UMAD1: variants seen among roughly 807,000 people sequenced by gnomAD.
UMAD1 encodes the protein UBAP1-MVB12-associated (UMA) domain containing 1, also known as UBAP1-MVB12-associated (UMA)-domain containing protein 1.
Under a neutral mutation model 6.1 loss-of-function variants are expected in UMAD1, and 8 were observed. The observed-to-expected ratio is 1.30, with a 90% confidence interval of 0.76 to 2.35. The LOEUF is 2.35. Ranked by LOEUF, UMAD1 falls within the 30% of genes most tolerant of loss-of-function variation. The probability of loss-of-function intolerance (pLI) is 0.00; values close to 1 mark genes in which losing one functional copy is unlikely to be tolerated. For synonymous variants in UMAD1, 56 were observed against 31.4 expected (o/e 1.78, Z -2.61); for missense variants, 130 against 78.4 (o/e 1.66, Z -2.49).
chr7:7,659,619 G>T (rs1007548142), intron 1 of UMAD1, among the ~76,000 whole-genome samples: 1 of 152,184 alleles, frequency 6.6e-6, no homozygotes, highest in Admixed American at 6.5e-5. Flanking sequence ...GCAGTTTTGA[G>T]TGAGTTTCTT....
intron 1 of UMAD1, among the ~76,000 whole-genome samples, chr7:7,670,107 A>G (rs1366231550): frequency 1.3e-5 from 2 of 152,202 alleles, no homozygotes; most frequent in Non-Finnish European, 2.9e-5. Flanking sequence ...TAAATTCCAT[A>G]CACAATACTT....
intron 3 of UMAD1, among the ~76,000 whole-genome samples, chr7:7,819,640 A>G (rs1563232583): frequency 6.6e-6 from 1 of 152,238 alleles, no homozygotes; most frequent in Non-Finnish European, 1.5e-5. Context: ...TTCAACAAAA[A>G]TAGTTTTAGT....
At chr7:7,798,839 C>G (rs1782740272) in intron 2 of UMAD1, among the ~76,000 whole-genome samples, 1 of 152,204 alleles carries the variant, frequency 6.6e-6, no homozygotes, top group Admixed American at 6.5e-5. Flanking sequence ...AGGTTTCACT[C>G]TCCTGTAAAT....
intron 1 of UMAD1, among the ~76,000 whole-genome samples, chr7:7,667,373 A>G (rs1779491791): frequency 6.6e-6 from 1 of 152,240 alleles, no homozygotes; most frequent in South Asian, 2.1e-4. Flanking sequence ...TCCAGCTGTC[A>G]AGGCCATGCA....
rs563679484 is a variant in UMAD1, at chr7:7,869,191, T to C, written c.157-8090T>C. ...TTATATCACCTTCTCCTAACCTCTG[T>C]CCCCTGATGCTTCTAACTCAGATTT... is the stretch of plus-strand genomic sequence containing the variant. On this transcript the variant is annotated intron_variant, in intron 3 of 3. Transcript: ENST00000682710. Among the ~76,000 whole-genome samples, 7 of 152,294 alleles carry C rather than the reference T, an allele frequency of 4.6e-5. No individual in the cohort carries two copies. In the East Asian group the frequency reaches 9.6e-4, roughly 21 times the overall value.
chr7:7,869,017 T>C (rs1171583728), intron 3 of UMAD1, among the ~76,000 whole-genome samples: 1 of 152,188 alleles, frequency 6.6e-6, no homozygotes, highest in Admixed American at 6.5e-5. Flanking sequence ...CAATATGATT[T>C]CTCCCAAGTG....
At chr7:7,731,910 C>G (rs1414683908) in intron 2 of UMAD1, among the ~76,000 whole-genome samples, 1 of 152,112 alleles carries the variant, frequency 6.6e-6, no homozygotes, top group Non-Finnish European at 1.5e-5. Context: ...ACCTGATGAC[C>G]TTGAGCAAAT....
chr7:7,825,403 GAA>G (rs1393814466), intron 3 of UMAD1, among the ~76,000 whole-genome samples: 5 of 152,120 alleles, frequency 3.3e-5, no homozygotes, highest in Admixed American at 1.3e-4. Context: ...TTTTACAAAA[GAA>G]AGAGGTTTTA....
At chr7:7,864,166 C>G (rs1784180358) in intron 3 of UMAD1, among the ~76,000 whole-genome samples, 1 of 152,028 alleles carries the variant, frequency 6.6e-6, no homozygotes, top group East Asian at 1.9e-4. Context: ...CAACTTTAAG[C>G]AAAACAACAT....
intron 3 of UMAD1, among the ~76,000 whole-genome samples, chr7:7,843,262 GT>G (rs1379645684): frequency 6.6e-6 from 1 of 152,196 alleles, no homozygotes; most frequent in Non-Finnish European, 1.5e-5. Context: ...CAGGGCCCAT[GT>G]TTGTCTATTC....
At chr7:7,743,132 T>C (rs998122831) in intron 2 of UMAD1, among the ~76,000 whole-genome samples, 1 of 152,210 alleles carries the variant, frequency 6.6e-6, no homozygotes, top group African/African-American at 2.4e-5. Flanking sequence ...GTATCTAAAA[T>C]TGGTTTAGAA....
At chr7:7,717,996 G>A (rs777049515) in intron 2 of UMAD1, among the ~76,000 whole-genome samples, 8 of 152,170 alleles carry the variant, frequency 5.3e-5, no homozygotes, top group Non-Finnish European at 1.0e-4. Flanking sequence ...AGCTTTTAGA[G>A]TTTAGGGAAA....
intron 3 of UMAD1, among the ~76,000 whole-genome samples, chr7:7,824,720 C>A (rs1418144165): frequency 6.6e-6 from 1 of 152,088 alleles, no homozygotes; most frequent in Admixed American, 6.6e-5. Flanking sequence ...CTAGTACTAA[C>A]CCACAAATAA....
At chr7:7,665,216 C>T (rs1202272619) in intron 1 of UMAD1, among the ~76,000 whole-genome samples, 6 of 152,074 alleles carry the variant, frequency 3.9e-5, no homozygotes, top group Admixed American at 6.5e-5. Flanking sequence ...AAAGGGAAGC[C>T]TTGGAGTAAT....
chr7:7,677,658 T>TGATGGAGACAC (rs1563112336), intron 2 of UMAD1, among the ~76,000 whole-genome samples: 8 of 31,172 alleles, frequency 2.6e-4, no homozygotes, highest in African/African-American at 5.2e-4. Flanking sequence ...ATTCATCTGT[T>TGATGGAGACAC]TTTTTGTTTT....
At chr7:7,655,938 C>T (rs987604654) in intron 1 of UMAD1, among the ~76,000 whole-genome samples, 5 of 152,220 alleles carry the variant, frequency 3.3e-5, no homozygotes, top group South Asian at 2.1e-4. Flanking sequence ...TGGGTTCCAG[C>T]GATTCTCCTG....
intron 3 of UMAD1, among the ~76,000 whole-genome samples, chr7:7,808,381 CAT>C (rs1782958632): frequency 6.6e-6 from 1 of 151,944 alleles, no homozygotes; most frequent in Non-Finnish European, 1.5e-5. Flanking sequence ...AGAGAATAAA[CAT>C]TACATGTAAG....
At chr7:7,854,173 T>C (rs371576979) in intron 3 of UMAD1, among the ~76,000 whole-genome samples, 2 of 151,782 alleles carry the variant, frequency 1.3e-5, no homozygotes, top group Non-Finnish European at 2.9e-5. Context: ...CTGACCAACA[T>C]GGAGAAACCC....
At chr7:7,735,329 T>C (rs1458366614) in intron 2 of UMAD1, among the ~76,000 whole-genome samples, 2 of 152,136 alleles carry the variant, frequency 1.3e-5, no homozygotes, top group Admixed American at 6.5e-5. Context: ...TCTAAAGACT[T>C]CTGCAGACTT....
Sources: allele counts gnomAD v4.1 joint callset (sites outside exome capture counted in the v4.1 genomes callset), GRCh38; gene constraint gnomAD v4.1.1; transcripts MANE v1.5; gene names NCBI Gene and HGNC (gene_info 2026-07-23, HGNC 2026-07-21).